VPS53: variants seen among roughly 807,000 people sequenced by gnomAD.
VPS53 encodes the protein VPS53 subunit of GARP complex.
In VPS53, 70 loss-of-function variants were observed where a neutral mutation model predicts 107.0. The ratio of observed to expected loss-of-function variants is 0.65; its 90% CI spans 0.54 to 0.80. VPS53 has a LOEUF of 0.80. Among genes scored for constraint, VPS53 ranks in the 30% least tolerant of loss-of-function variants. The pLI is 0.00. For missense variants in VPS53, 917 were observed against 1,049.4 expected (o/e 0.87, Z 1.74); for synonymous variants, 409 against 393.3 (o/e 1.04, Z -0.47).
At chr17:694,424 T>C (rs1972876487) in intron 4 of VPS53, among the ~76,000 whole-genome samples, 2 of 152,180 alleles carry the variant, frequency 1.3e-5, no homozygotes, top group African/African-American at 4.8e-5. Context: ...AACTGAAAGA[T>C]ACACATCTAT....
chr17:654,594 G>T (rs955448891), intron 6 of VPS53, among the ~76,000 whole-genome samples: 2 of 151,650 alleles, frequency 1.3e-5, no homozygotes, highest in African/African-American at 2.4e-5. Flanking sequence ...AAAATTAACC[G>T]GGCTTAGTGG....
intron 17 of VPS53, chr17:540,544 C>T (rs1910554044): frequency 6.6e-6 from 1 of 152,096 alleles, no homozygotes; most frequent in Non-Finnish European, 1.5e-5. Flanking sequence ...CAGTACCTTG[C>T]ATTGGAAGAA....
Position 563,069 on chromosome 17 carries a change from G to T in VPS53, c.1314-324C>A, listed in dbSNP as rs150018646. On this transcript the variant is annotated intron_variant, in intron 13 of 21. Transcript: ENST00000437048. ...GGTATTACTGGTCCCGCTAAAAGAT[G>T]AGAAAATTAAGTCCTAGAAAGTTTC... Among the ~76,000 whole-genome samples, 1,264 of 152,222 alleles carry T rather than the reference G, an allele frequency of 8.3e-3. 12 individuals carry two copies. The highest frequency in any genetic ancestry group is 0.014 in the Non-Finnish European group (940 of 68,014).
Position 560,438 on chromosome 17 carries a change from G to A in VPS53, c.1692C>T (p.Ala564=). ...NILSTAEYCL[A]TTQQLEEKLK... is the part of the protein sequence containing the mutation. ...CAGGATGGCTCACCTGCTGGGTGGT[G>A]GCCAGACAGTACTCTGCCGTGCTCA... is the stretch of plus-strand genomic sequence containing the variant. The change falls in exon 15 of 22, where the codon GCC becomes GCT. Residue 564 remains alanine, a synonymous_variant. Coordinates refer to ENST00000437048, the MANE Select transcript of VPS53 (RefSeq NM_001128159.3). 1.9e-6 allele frequency: 3 copies of A among 1,611,486 alleles called. No homozygotes were observed. The highest frequency in any genetic ancestry group is 2.5e-6 in the Non-Finnish European group (3 of 1,179,446).
At chr17:686,783 AG>A (rs1485684610) in intron 4 of VPS53, among the ~76,000 whole-genome samples, 1 of 152,234 alleles carries the variant, frequency 6.6e-6, no homozygotes, top group Non-Finnish European at 1.5e-5. Flanking sequence ...GTGTATCAGC[AG>A]CACTGGTGTT....
chr17:653,368 G>A lies in VPS53; in HGVS notation c.531C>T (p.Leu177=). ...RRRQYGEVAN[L]LQGVMNVLEH... is the part of the protein sequence containing the mutation. ...CCAGGACATTCATCACACCCTGAAG[G>A]AGATTAGCAACTTCTCCGTATTGTC... The change falls in exon 7 of 22, where the codon CTC becomes CTT. Residue 177 remains leucine (L), a synonymous_variant. Coordinates refer to ENST00000437048, the MANE Select transcript of VPS53 (RefSeq NM_001128159.3). The A allele has an allele frequency of 5.0e-6, 8 of 1,614,264 alleles. No homozygotes were observed. Among genetic ancestry groups the A allele is most frequent in the Non-Finnish European group, 6.8e-6 (8 of 1,180,056 alleles).
At chr17:582,387 G>A (rs1221869095) in intron 13 of VPS53, among the ~76,000 whole-genome samples, 2 of 144,524 alleles carry the variant, frequency 1.4e-5, no homozygotes, top group African/African-American at 5.0e-5. Flanking sequence ...AACCCAGTGC[G>A]TTCCCAGAGA....
At chr17:657,595 A>G (rs1040885856) in intron 5 of VPS53, 1 of 773,348 alleles carries the variant, frequency 1.3e-6, no homozygotes, top group South Asian at 1.5e-5. Flanking sequence ...CGGTGCACAT[A>G]GCGAAAGTTT....
intron 4 of VPS53, among the ~76,000 whole-genome samples, chr17:667,818 G>A (rs1188345594): frequency 6.6e-6 from 1 of 152,158 alleles, no homozygotes; most frequent in African/African-American, 2.4e-5. Context: ...GTGGGCAAGT[G>A]AGTGAGCATG....
At chr17:531,232 C>T (rs980151352) in intron 19 of VPS53, among the ~76,000 whole-genome samples, 10 of 152,218 alleles carry the variant, frequency 6.6e-5, no homozygotes, top group African/African-American at 9.6e-5. Context: ...CCACGTTGCC[C>T]TGTAGTTCCC....
chr17:536,122 A>G (rs1910042066), intron 18 of VPS53, among the ~76,000 whole-genome samples: 1 of 152,214 alleles, frequency 6.6e-6, no homozygotes, highest in Non-Finnish European at 1.5e-5. Flanking sequence ...GCAAAGAACT[A>G]AACTATTTCC....
chr17:668,695 T>C (rs778945764), intron 4 of VPS53, among the ~76,000 whole-genome samples: 1 of 152,262 alleles, frequency 6.6e-6, no homozygotes, highest in Non-Finnish European at 1.5e-5. Flanking sequence ...AATGGGACCA[T>C]AGCTACTGTG....
At chr17:672,109 GACACACACACACAC>G (rs10630363) in intron 4 of VPS53, among the ~76,000 whole-genome samples, 16 of 108,820 alleles carry the variant, frequency 1.5e-4, no homozygotes, top group East Asian at 5.4e-4. Flanking sequence ...TGATGAGGGT[GACACACACACACAC>G]ACACACACAC....
Position 525,398 on chromosome 17 carries a change from T to C in VPS53, c.2086-3660A>G, listed in dbSNP as rs563099197. Reference sequence around the variant, plus strand: ...AATGATTTACTTTACATAAAAATGATCTAAAGCAGGCAGGGTGTGGCAGCT... The same window carrying C: ...AATGATTTACTTTACATAAAAATGACCTAAAGCAGGCAGGGTGTGGCAGCT... On this transcript the variant is annotated intron_variant, in intron 19 of 21. Transcript: ENST00000437048. Among the ~76,000 whole-genome samples, 28 of 152,192 alleles carry C rather than the reference T, an allele frequency of 1.8e-4. No individual in the cohort carries two copies. In the South Asian group the frequency reaches 5.8e-3, roughly 32 times the overall value.
chr17:581,228 C>A (rs1034971104), intron 13 of VPS53, among the ~76,000 whole-genome samples: 1 of 150,948 alleles, frequency 6.6e-6, no homozygotes, highest in African/African-American at 2.4e-5. Flanking sequence ...GGACCTGATG[C>A]GTTCCCAGAG....
At chr17:527,290 ACT>A (rs750274181) in intron 19 of VPS53, among the ~76,000 whole-genome samples, 1 of 149,416 alleles carries the variant, frequency 6.7e-6, no homozygotes, top group East Asian at 2.0e-4. Context: ...CGTCTCTCCT[ACT>A]CTCTCTCACT....
chr17:562,519 A>G lies in VPS53; in HGVS notation c.1540T>C (p.Ser514Pro). ...AGGACTCACTTGGGCAGGTTGCCAG[A>G]GAGGATTTTCCAGGCGTATTCTCGG... The part of the protein sequence containing the change: ...YLREYAWKIL[S>P]GNLPKTTTSS... Residue 514 changes from serine to proline, a missense_variant, in exon 14 of 22, where the codon TCT becomes CCT. Physicochemically the swap from Ser to Pro is moderately conservative, Grantham distance 74. Transcript: ENST00000437048. The G allele has an allele frequency of 6.2e-7, 1 of 1,614,068 alleles. No individual in the cohort carries two copies. Among genetic ancestry groups the G allele is most frequent in the South Asian group, 1.1e-5 (1 of 91,062 alleles).
chr17:548,465 C>A (rs1911462299), intron 17 of VPS53, among the ~76,000 whole-genome samples: 1 of 148,238 alleles, frequency 6.7e-6, no homozygotes. Flanking sequence ...CTTTGGCCAG[C>A]CAACAGTCCT....
At chr17:651,336 T>C (rs1003258880) in intron 7 of VPS53, among the ~76,000 whole-genome samples, 2 of 152,234 alleles carry the variant, frequency 1.3e-5, no homozygotes, top group African/African-American at 4.8e-5. Context: ...ATAGAAGATG[T>C]GGAACCAGGT....
Sources: allele counts gnomAD v4.1 joint callset (sites outside exome capture counted in the v4.1 genomes callset), GRCh38; gene constraint gnomAD v4.1.1; transcripts MANE v1.5; gene names NCBI Gene and HGNC (gene_info 2026-07-23, HGNC 2026-07-21).